Variants in PSD3 observed in about 807,000 individuals in gnomAD.
PSD3 encodes the protein pleckstrin and Sec7 domain containing 3.
PSD3 carries 49 observed loss-of-function variants against 105.5 expected under a neutral mutation model. The observed-to-expected ratio is 0.46, with a 90% CI of 0.37 to 0.59. PSD3 has a LOEUF of 0.59. Among genes scored for constraint, PSD3 ranks in the 20% least tolerant of loss-of-function variants. PSD3 has a pLI of 0.00. For missense variants in PSD3, 1,561 were observed against 1,263.8 expected (o/e 1.24, Z -3.57); for synonymous variants, 557 against 457.8 (o/e 1.22, Z -2.77).
intron 14 of PSD3, among the ~76,000 whole-genome samples, chr8:18,563,723 A>T (rs1801548845): frequency 6.6e-6 from 1 of 152,226 alleles, no homozygotes; most frequent in South Asian, 2.1e-4. Flanking sequence ...AATTTTTAAA[A>T]ATCTATCCAT....
chr8:19,079,160 T>G (rs1452487401), intron 1 of PSD3, among the ~76,000 whole-genome samples: 1 of 152,034 alleles, frequency 6.6e-6, no homozygotes, highest in Non-Finnish European at 1.5e-5. Context: ...AAGAGAACGT[T>G]GTCATGGGAA....
At chr8:18,780,878 T>C (rs1808556094) in intron 8 of PSD3, among the ~76,000 whole-genome samples, 1 of 152,220 alleles carries the variant, frequency 6.6e-6, no homozygotes, top group South Asian at 2.1e-4. Context: ...TTTATGTGTT[T>C]TGATTATGAC....
chr8:18,836,092 C>T (rs1243288461), intron 4 of PSD3, among the ~76,000 whole-genome samples: 2 of 152,188 alleles, frequency 1.3e-5, no homozygotes, highest in South Asian at 2.1e-4. Flanking sequence ...TAGAGCTGAC[C>T]AAATTGCTGA....
Position 18,804,734 on chromosome 8 carries a change from C to T in PSD3, c.1799G>A (p.Arg600Lys). 6.2e-7 allele frequency: 1 copy of T among 1,614,022 alleles called. No individual in the cohort carries two copies. Among genetic ancestry groups the T allele is most frequent in the Non-Finnish European group, 8.5e-7 (1 of 1,179,956 alleles). The change falls in exon 5 of 16, where the codon AGA (arginine) becomes AAA (lysine). Residue 600 changes from arginine to lysine, a missense_variant. Arg to Lys is a conservative substitution (Grantham distance 26). Coordinates refer to ENST00000327040, the MANE Select transcript of PSD3 (RefSeq NM_015310.4). The part of the protein sequence containing the change: ...KRLYQLDRFK[R>K]SDVAKHLGKN... ...GCCAAGGTGTTTTGCAACATCTGAT[C>T]TTTTGAATCTGTCCAGCTGATAAAG...
rs376536893 is a variant in PSD3, at chr8:18,793,360, G to A, written c.2082+5935C>T. Among the ~76,000 whole-genome samples, 445 of 142,278 alleles carry A rather than the reference G, an allele frequency of 3.1e-3. 3 individuals are homozygous for A. Among genetic ancestry groups the A allele is most frequent in the African/African-American group, 0.011 (410 of 38,700 alleles). The allele number at this position is 142,278 out of a possible 152,430, so 93.3% of individuals were successfully genotyped here. A position where few individuals can be genotyped will look rare whatever the true frequency, so the allele number is the denominator to read the frequency against. ...AAAAAATAAAAAAATAACTCTGTAAGGTATCAAAATAGAAAAAAAAAACAA... is the reference window on the plus strand; with the variant it reads ...AAAAAATAAAAAAATAACTCTGTAAAGTATCAAAATAGAAAAAAAAAACAA... On this transcript the variant is annotated intron_variant, in intron 8 of 15. Transcript: ENST00000327040.
At chr8:18,588,102 C>G (rs904469794) in intron 12 of PSD3, among the ~76,000 whole-genome samples, 5 of 152,068 alleles carry the variant, frequency 3.3e-5, no homozygotes, top group Admixed American at 3.3e-4. Flanking sequence ...GCTCGATACC[C>G]CAAAGAACGC....
At chr8:18,796,706 A>G (rs539372951) in intron 8 of PSD3, among the ~76,000 whole-genome samples, 3 of 152,304 alleles carry the variant, frequency 2.0e-5, no homozygotes, top group African/African-American at 7.2e-5. Context: ...CCCCTCCCCT[A>G]CTGAAAGCAT....
chr8:18,564,300 AAT>A (rs1417622791), intron 14 of PSD3, among the ~76,000 whole-genome samples: 2 of 152,186 alleles, frequency 1.3e-5, no homozygotes, highest in African/African-American at 4.8e-5. Flanking sequence ...ATCTAGGTAG[AAT>A]ATGACAAAAA....
At chr8:18,754,518 G>C (rs1805866357) in intron 9 of PSD3, among the ~76,000 whole-genome samples, 1 of 152,126 alleles carries the variant, frequency 6.6e-6, no homozygotes, top group Non-Finnish European at 1.5e-5. Context: ...CTCGGTGATA[G>C]TCAGCAGTAA....
At chr8:18,980,778 C>T (rs1007225696) in intron 1 of PSD3, among the ~76,000 whole-genome samples, 5 of 152,220 alleles carry the variant, frequency 3.3e-5, no homozygotes, top group African/African-American at 4.8e-5. Context: ...AGTTATTTGA[C>T]GCTTCTGCCT....
chr8:18,540,918 G>A (rs1307842630), intron 15 of PSD3, among the ~76,000 whole-genome samples: 1 of 151,928 alleles, frequency 6.6e-6, no homozygotes, highest in Non-Finnish European at 1.5e-5. Flanking sequence ...TGCCTCCATG[G>A]CACACACTCC....
intron 14 of PSD3, among the ~76,000 whole-genome samples, chr8:18,566,305 G>C (rs993192707): frequency 6.6e-6 from 1 of 152,070 alleles, no homozygotes; most frequent in Non-Finnish European, 1.5e-5. Context: ...TGGGCAGACT[G>C]CTTGAGGCCA....
intron 9 of PSD3, among the ~76,000 whole-genome samples, chr8:18,668,096 G>A (rs563583322): frequency 2.6e-5 from 4 of 152,350 alleles, no homozygotes; most frequent in African/African-American, 7.2e-5. Context: ...TGAGGGAGCC[G>A]GCTCCGGCCT....
chr8:18,961,037 G>A (rs775991457), intron 1 of PSD3, among the ~76,000 whole-genome samples: 12 of 152,102 alleles, frequency 7.9e-5, no homozygotes, highest in Admixed American at 7.9e-4. Context: ...GCAGTGAGCC[G>A]TGAGTAACAG....
chr8:19,062,438 T>A (rs1245956692), intron 1 of PSD3, among the ~76,000 whole-genome samples: 1 of 152,046 alleles, frequency 6.6e-6, no homozygotes, highest in African/African-American at 2.4e-5. Context: ...CTCAGAAGAG[T>A]AGAGACTTGT....
At chr8:18,615,205 A>T (rs1158258664) in intron 11 of PSD3, among the ~76,000 whole-genome samples, 2 of 151,602 alleles carry the variant, frequency 1.3e-5, no homozygotes, top group African/African-American at 4.9e-5. Flanking sequence ...CATTCTGATC[A>T]CCTGCTGCAC....
intron 9 of PSD3, among the ~76,000 whole-genome samples, chr8:18,697,535 C>A (rs1239406890): frequency 6.6e-6 from 1 of 152,278 alleles, no homozygotes; most frequent in African/African-American, 2.4e-5. Context: ...TCGTTGCTAT[C>A]AGAAGTCAAC....
At chr8:18,784,579 C>G (rs1361966572) in intron 8 of PSD3, among the ~76,000 whole-genome samples, 1 of 152,164 alleles carries the variant, frequency 6.6e-6, no homozygotes, top group Non-Finnish European at 1.5e-5. Flanking sequence ...TCTGACCAAT[C>G]AGCTATAAAT....
intron 1 of PSD3, among the ~76,000 whole-genome samples, chr8:19,074,755 G>A (rs1242689198): frequency 6.7e-6 from 1 of 149,766 alleles, no homozygotes; most frequent in Non-Finnish European, 1.5e-5. Flanking sequence ...CGAGTAGCTG[G>A]GACTACAAGC....
Sources: gnomAD v4.1 joint callset for allele counts (sites outside exome capture counted in the v4.1 genomes callset) on GRCh38, gnomAD v4.1.1 for gene constraint, MANE v1.5 for transcripts, NCBI Gene and HGNC (gene_info 2026-07-23, HGNC 2026-07-21) for gene names.